Variants in PDE4D observed in about 807,000 individuals in gnomAD.
The protein encoded by PDE4D is 3',5'-cyclic-AMP phosphodiesterase 4D.
In PDE4D, 24 loss-of-function variants were observed where a neutral mutation model predicts 87.4. The observed-to-expected ratio is 0.27, with a 90% CI of 0.20 to 0.39. PDE4D has a LOEUF of 0.39. Among genes scored for constraint, PDE4D ranks in the 10% least tolerant of loss-of-function variants. PDE4D has a pLI of 1.00. For synonymous variants in PDE4D, 384 were observed against 383.2 expected, an observed-to-expected ratio of 1.00 and a Z score of -0.02; for missense variants, 714 against 1,041.0, an observed-to-expected ratio of 0.69 and a Z score of 4.32.
intron 6 of PDE4D, among the ~76,000 whole-genome samples, chr5:59,016,314 T>C (rs905876976): frequency 3.3e-5 from 5 of 151,450 alleles, no homozygotes; most frequent in African/African-American, 1.2e-4. Flanking sequence ...AACCGCTGTA[T>C]TCTTTTTGAA....
At chr5:59,891,344 G>A (rs901545429) in intron 1 of PDE4D, among the ~76,000 whole-genome samples, 1 of 152,148 alleles carries the variant, frequency 6.6e-6, no homozygotes, top group African/African-American at 2.4e-5. Context: ...CACAGATCAA[G>A]CTAGAACTCT....
At chr5:59,446,498 C>T (rs1000145570) in intron 1 of PDE4D, among the ~76,000 whole-genome samples, 3 of 152,290 alleles carry the variant, frequency 2.0e-5, no homozygotes, top group Non-Finnish European at 2.9e-5. Context: ...AAATAGCATT[C>T]GCTAACTGGA....
At chr5:60,160,875 T>C (rs912767359) in intron 2 of PDE4D, 3 of 416,420 alleles carry the variant, frequency 7.2e-6, no homozygotes, top group Admixed American at 6.1e-5. Flanking sequence ...AAAGACTGAT[T>C]TGAAGTTTTT....
intron 1 of PDE4D, among the ~76,000 whole-genome samples, chr5:59,481,337 C>T (rs994024746): frequency 1.3e-5 from 2 of 150,560 alleles, no homozygotes; most frequent in African/African-American, 4.9e-5. Context: ...GGCAGTTAAA[C>T]TTTTTAATAG....
intron 1 of PDE4D, among the ~76,000 whole-genome samples, chr5:59,760,295 C>T (rs1761807305): frequency 6.6e-6 from 1 of 152,118 alleles, no homozygotes; most frequent in African/African-American, 2.4e-5. Context: ...GCTTCCTAAA[C>T]ACATTTAAGA....
chr5:59,431,184 T>C (rs887921810), intron 1 of PDE4D, among the ~76,000 whole-genome samples: 5 of 152,156 alleles, frequency 3.3e-5, no homozygotes, highest in African/African-American at 4.8e-5. Flanking sequence ...TCATTGATAG[T>C]GAATGTTACT....
At chr5:60,338,136 G>C (rs1031681163) in intron 1 of PDE4D, among the ~76,000 whole-genome samples, 2 of 152,082 alleles carry the variant, frequency 1.3e-5, no homozygotes, top group Admixed American at 6.6e-5. Context: ...AGCTGCACAG[G>C]TGGGTCAGCA....
At position 59,322,560 on chromosome 5, in the gene PDE4D, T is replaced by C. The variant is rs557695491; in HGVS notation, c.456-106592A>G. Among the ~76,000 whole-genome samples the C allele has an allele frequency of 1.8e-4, 28 of 152,278 alleles. No individual in the cohort carries two copies. In the East Asian group the frequency reaches 3.1e-3, roughly 17 times the overall value. ...GAACACTGGTATTCTAGAATCTTTA[T>C]GGCTTATGGGTCAAATCCAATGCTA... On this transcript the variant is annotated intron_variant, in intron 1 of 14. Coordinates refer to ENST00000340635, the MANE Select transcript of PDE4D (RefSeq NM_001104631.2).
intron 1 of PDE4D, among the ~76,000 whole-genome samples, chr5:60,500,662 G>A (rs1750027942): frequency 6.6e-6 from 1 of 152,230 alleles, no homozygotes; most frequent in Non-Finnish European, 1.5e-5. Flanking sequence ...TACATATGAA[G>A]TTTATATCCT....
chr5:60,381,758 G>T (rs1180618859), intron 1 of PDE4D, among the ~76,000 whole-genome samples: 2 of 152,152 alleles, frequency 1.3e-5, no homozygotes, highest in Non-Finnish European at 2.9e-5. Flanking sequence ...CATCCAATGG[G>T]CAATAGAAAA....
intron 5 of PDE4D, among the ~76,000 whole-genome samples, chr5:59,049,217 T>G (rs1761170312): frequency 6.6e-6 from 1 of 152,342 alleles, no homozygotes; most frequent in South Asian, 2.1e-4. Flanking sequence ...TTTCTATAAC[T>G]GTCTAGAAAA....
At chr5:59,007,423 A>T (rs1057466004) in intron 6 of PDE4D, among the ~76,000 whole-genome samples, 6 of 151,780 alleles carry the variant, frequency 4.0e-5, no homozygotes, top group African/African-American at 1.4e-4. Flanking sequence ...CAAGTATTAA[A>T]CAGAATAGCC....
At chr5:60,234,972 C>G (rs942013878) in intron 1 of PDE4D, among the ~76,000 whole-genome samples, 2 of 151,804 alleles carry the variant, frequency 1.3e-5, no homozygotes, top group Non-Finnish European at 2.9e-5. Context: ...TAGCCCTTCT[C>G]AAAATGCCTT....
At chr5:60,049,422 T>C (rs183168606) in intron 2 of PDE4D, among the ~76,000 whole-genome samples, 2 of 152,368 alleles carry the variant, frequency 1.3e-5, no homozygotes, top group Non-Finnish European at 2.9e-5. Flanking sequence ...ACTGCGTTCC[T>C]TTGGACGAGG....
At chr5:59,629,576 A>T (rs1486105015) in intron 1 of PDE4D, among the ~76,000 whole-genome samples, 1 of 152,176 alleles carries the variant, frequency 6.6e-6, no homozygotes, top group Non-Finnish European at 1.5e-5. Flanking sequence ...CCTCGGAAAG[A>T]ACCAACCCTG....
intron 2 of PDE4D, among the ~76,000 whole-genome samples, chr5:59,994,995 A>G (rs949279482): frequency 6.6e-6 from 1 of 152,204 alleles, no homozygotes; most frequent in African/African-American, 2.4e-5. Context: ...GAGGAAAAAT[A>G]TAATAGACAG....
At chr5:60,435,076 T>C (rs1583759670) in intron 1 of PDE4D, among the ~76,000 whole-genome samples, 1 of 152,256 alleles carries the variant, frequency 6.6e-6, no homozygotes, top group African/African-American at 2.4e-5. Context: ...TGTAAACTTC[T>C]ATAACAGAAT....
chr5:59,112,282 A>C (rs925461310), intron 5 of PDE4D, among the ~76,000 whole-genome samples: 1 of 152,200 alleles, frequency 6.6e-6, no homozygotes, highest in Non-Finnish European at 1.5e-5. Context: ...AAGAAGAGTT[A>C]AAAAGAAGAC....
At chr5:59,398,359 G>C (rs1471410128) in intron 1 of PDE4D, among the ~76,000 whole-genome samples, 83 of 132,508 alleles carry the variant, frequency 6.3e-4, no homozygotes, top group South Asian at 1.3e-3. Context: ...AAATCCAGCA[G>C]CACATCAAAA....
Sources: gnomAD v4.1 joint callset for allele counts (sites outside exome capture counted in the v4.1 genomes callset) on GRCh38, gnomAD v4.1.1 for gene constraint, MANE v1.5 for transcripts, NCBI Gene and HGNC (gene_info 2026-07-23, HGNC 2026-07-21) for gene names.